GALNT3: variants seen among roughly 807,000 people sequenced by gnomAD.
The protein encoded by GALNT3 is polypeptide N-acetylgalactosaminyltransferase 3, also known as GalNAc transferase 3.
A neutral mutation model predicts 69.8 loss-of-function variants in GALNT3; 51 were observed. That is an observed-to-expected ratio of 0.73 (90% CI 0.58 to 0.92). GALNT3 has a LOEUF of 0.92. Among genes scored for constraint, GALNT3 ranks in the 40% least tolerant of loss-of-function variants. The pLI is 0.00. For missense variants in GALNT3, 711 were observed against 760.0 expected, an observed-to-expected ratio of 0.94 and a Z score of 0.76; for synonymous variants, 265 against 248.5, an observed-to-expected ratio of 1.07 and a Z score of -0.63.
chr2:165,748,960 A>C (rs1688307500), intron 10 of GALNT3, 57 bp from the exon 11 acceptor site: 2 of 1,528,794 alleles, frequency 1.3e-6, no homozygotes, highest in Non-Finnish European at 9.0e-7. Context: ...TAAGTGACAA[A>C]TATGAAAAAG....
chr2:165,778,420 A>G (rs1683021223), intron 1 of GALNT3, among the ~76,000 whole-genome samples: 1 of 152,224 alleles, frequency 6.6e-6, no homozygotes, highest in Non-Finnish European at 1.5e-5. Context: ...TAGAAACCAC[A>G]TGCTAATTTG....
At chr2:165,771,852 G>A (rs1344408086) in intron 1 of GALNT3, among the ~76,000 whole-genome samples, 1 of 152,112 alleles carries the variant, frequency 6.6e-6, no homozygotes, top group African/African-American at 2.4e-5. Context: ...AAGAAAACCA[G>A]GTTCTAAGAT....
chr2:165,778,366 T>A (rs1186127032), intron 1 of GALNT3, among the ~76,000 whole-genome samples: 2 of 152,238 alleles, frequency 1.3e-5, no homozygotes, highest in African/African-American at 2.4e-5. Flanking sequence ...GTCCATCTAT[T>A]TACCTTGTAA....
rs188370190 is a variant in GALNT3 at position 165,789,446 on chromosome 2, A to G, written c.-109+4569T>C. 3.3e-4 allele frequency among the ~76,000 whole-genome samples: 50 copies of G among 152,336 alleles called. No homozygotes were observed. The East Asian group carries it at 5.4e-3, about 16-fold the overall frequency. Reference sequence around the variant, plus strand: ...TTTGATTTCAACATATGAATTTTGGAAAAACACAAACATTCAGACCATAGC... The same window carrying G: ...TTTGATTTCAACATATGAATTTTGGGAAAACACAAACATTCAGACCATAGC... On this transcript the variant is annotated intron_variant, in intron 1 of 10. Transcript: ENST00000392701.
At position 165,770,919 on chromosome 2, in the gene GALNT3, T is replaced by C. The variant is rs1312123213; in HGVS notation, c.-108-111A>G. ...ATAAGCTACCAATGTACTCTTATGGTTAATGAGAATACAAAGATATCTTGT... is the reference window on the plus strand; with the variant it reads ...ATAAGCTACCAATGTACTCTTATGGCTAATGAGAATACAAAGATATCTTGT... On this transcript the variant is annotated intron_variant, in intron 1 of 10. Coordinates refer to ENST00000392701, the MANE Select transcript of GALNT3 (RefSeq NM_004482.4). 13 of 424,066 alleles carry C rather than the reference T, an allele frequency of 3.1e-5. No homozygotes were observed. In the East Asian group the frequency reaches 3.8e-4, roughly 12 times the overall value. The allele number at this position is 424,066 out of a possible 1,614,324, so 26.3% of individuals were successfully genotyped here.
At chr2:165,769,172 G>A (rs1165871579) in intron 2 of GALNT3, among the ~76,000 whole-genome samples, 7 of 144,524 alleles carry the variant, frequency 4.8e-5, no homozygotes, top group Middle Eastern at 3.7e-3. Context: ...TTGGGAGGCT[G>A]AGGTGGGCGG....
At chr2:165,772,452 G>C (rs967004095) in intron 1 of GALNT3, among the ~76,000 whole-genome samples, 7 of 151,982 alleles carry the variant, frequency 4.6e-5, no homozygotes, top group African/African-American at 1.7e-4. Flanking sequence ...AAATGTGGTG[G>C]TGCACGCCTG....
chr2:165,791,989 A>T (rs1683364630), intron 1 of GALNT3, among the ~76,000 whole-genome samples: 2 of 152,222 alleles, frequency 1.3e-5, no homozygotes, highest in African/African-American at 4.8e-5. Context: ...TAAACATCTT[A>T]TGGTAAGTGA....
chr2:165,766,391 A>T (rs1302928478), intron 2 of GALNT3, among the ~76,000 whole-genome samples: 4 of 152,174 alleles, frequency 2.6e-5, no homozygotes, highest in Non-Finnish European at 5.9e-5. Context: ...TCTCAAATTC[A>T]TTTGTATAGG....
chr2:165,788,316 C>CAA (rs59428597), intron 1 of GALNT3, among the ~76,000 whole-genome samples: 56 of 49,208 alleles, frequency 1.1e-3, no homozygotes, highest in East Asian at 2.0e-3. Flanking sequence ...GACATCACCT[C>CAA]AAAAAAAAAA....
chr2:165,749,007 T>A, intron 10 of GALNT3, 104 bp from the exon 11 acceptor site: 1 of 1,221,566 alleles, frequency 8.2e-7, no homozygotes, highest in South Asian at 1.3e-5. Flanking sequence ...TAATAGCAAA[T>A]CTTTCTAAGG....
chr2:165,778,321 C>T (rs1683017975), intron 1 of GALNT3, among the ~76,000 whole-genome samples: 1 of 152,104 alleles, frequency 6.6e-6, no homozygotes, highest in Admixed American at 6.5e-5. Context: ...GTATTCCCTG[C>T]CCCCCAGGTA....
In GALNT3 at chr2:165,770,536, G is replaced by A. The variant is rs140452696; in HGVS notation, c.165C>T (p.Asn55=). 2 of 1,613,910 alleles carry A rather than the reference G, an allele frequency of 1.2e-6. No homozygotes were observed. Among genetic ancestry groups the A allele is most frequent in the Non-Finnish European group, 1.7e-6 (2 of 1,179,938 alleles). ...YSKEESRMER[N]MKNKNKMLDL... ...CCAACATCTTGTTTTTGTTTTTCAT[G>A]TTCCTTTCCATCCTTGATTCCTCTT... Residue 55 remains asparagine, a synonymous_variant, in exon 2 of 11, where the codon AAC becomes AAT. Transcript: ENST00000392701.
intron 1 of GALNT3, among the ~76,000 whole-genome samples, chr2:165,789,208 A>G (rs1683292624): frequency 1.3e-5 from 2 of 152,222 alleles, no homozygotes; most frequent in Admixed American, 1.3e-4. Flanking sequence ...GGGAAGTCCA[A>G]TATCAAGCTG....
intron 1 of GALNT3, 57 bp from the exon 2 acceptor site, chr2:165,770,865 C>G: frequency 1.6e-6 from 1 of 639,966 alleles, no homozygotes. Context: ...AGGCATGGCT[C>G]AATTCATTCA....
intron 2 of GALNT3, among the ~76,000 whole-genome samples, chr2:165,769,971 T>A (rs989057939): frequency 6.6e-6 from 1 of 152,158 alleles, no homozygotes; most frequent in East Asian, 1.9e-4. Context: ...TCCAAGCTAA[T>A]AACTTTTCAT....
intron 1 of GALNT3, among the ~76,000 whole-genome samples, chr2:165,789,621 C>G (rs1298994405): frequency 6.6e-6 from 1 of 151,890 alleles, no homozygotes; most frequent in Non-Finnish European, 1.5e-5. Flanking sequence ...GTAGTCTCAG[C>G]TACTTGGAAG....
chr2:165,754,098 G>A (rs908574322), intron 9 of GALNT3, among the ~76,000 whole-genome samples: 7 of 140,794 alleles, frequency 5.0e-5, no homozygotes, highest in Non-Finnish European at 1.1e-4. Flanking sequence ...TAATTTGTTT[G>A]TTTGTTTTTG....
At position 165,759,541 on chromosome 2, in the gene GALNT3, G is replaced by A. The variant is rs1397630607; in HGVS notation, c.868C>T (p.Leu290=). 6.2e-7 allele frequency: 1 copy of A among 1,613,750 alleles called. No homozygotes were observed. The highest frequency in any genetic ancestry group is 8.5e-7 in the Non-Finnish European group (1 of 1,179,936). ...TAGTTCTCAGCTATTCTGGCCAACA[G>A]AGGTTCTAGCCAACCATAGAAACAC... ...CECFYGWLEP[L]LARIAENYTA... is the part of the protein sequence containing the mutation. Residue 290 remains leucine, a synonymous_variant, in exon 5 of 11, where the codon CTG becomes TTG. Coordinates refer to ENST00000392701, the MANE Select transcript of GALNT3 (RefSeq NM_004482.4).
Sources: gnomAD v4.1 joint callset for allele counts (sites outside exome capture counted in the v4.1 genomes callset) on GRCh38, gnomAD v4.1.1 for gene constraint, MANE v1.5 for transcripts, NCBI Gene and HGNC (gene_info 2026-07-23, HGNC 2026-07-21) for gene names.